PTPRD: variants seen among roughly 807,000 people sequenced by gnomAD.
The protein encoded by PTPRD is receptor-type tyrosine-protein phosphatase delta.
In PTPRD, 34 loss-of-function variants were observed where a neutral mutation model predicts 214.5. The observed-to-expected ratio is 0.16, with a 90% CI of 0.12 to 0.21. PTPRD has a LOEUF of 0.21. Among genes scored for constraint, PTPRD ranks in the 10% least tolerant of loss-of-function variants. PTPRD has a pLI of 1.00. For missense variants in PTPRD, 2,545 were observed against 2,398.7 expected (o/e 1.06, Z -1.27); for synonymous variants, 1,128 against 845.7 (o/e 1.33, Z -5.79).
intron 2 of PTPRD, among the ~76,000 whole-genome samples, chr9:10,487,664 G>C (rs1225052909): frequency 6.6e-6 from 1 of 151,702 alleles, no homozygotes; most frequent in African/African-American, 2.4e-5. Flanking sequence ...AATACACATG[G>C]ACACAGGGAG....
intron 3 of PTPRD, among the ~76,000 whole-genome samples, chr9:10,096,409 T>A (rs1323148934): frequency 5.9e-5 from 9 of 151,874 alleles, no homozygotes; most frequent in Non-Finnish European, 1.3e-4. Flanking sequence ...TGTTGTTTCC[T>A]GACTTTTTAA....
chr9:8,719,641 T>C (rs2098471046), intron 12 of PTPRD, among the ~76,000 whole-genome samples: 1 of 152,236 alleles, frequency 6.6e-6, no homozygotes, highest in Non-Finnish European at 1.5e-5. Flanking sequence ...ATTTATTTTG[T>C]ATTGGCTGTG....
intron 7 of PTPRD, among the ~76,000 whole-genome samples, chr9:9,583,221 T>C (rs1003860944): frequency 2.0e-5 from 3 of 152,142 alleles, no homozygotes; most frequent in East Asian, 1.9e-4. Context: ...TGGGTATCAA[T>C]GATATATAAA....
chr9:9,593,121 G>A (rs549368191), intron 7 of PTPRD, among the ~76,000 whole-genome samples: 112 of 136,966 alleles, frequency 8.2e-4, no homozygotes, highest in Non-Finnish European at 1.4e-3. Context: ...AGGAAGGAAG[G>A]AAAGGAAAGG....
intron 11 of PTPRD, among the ~76,000 whole-genome samples, chr9:8,948,004 G>C (rs1322291219): frequency 6.9e-6 from 1 of 144,376 alleles, no homozygotes; most frequent in Non-Finnish European, 1.5e-5. Flanking sequence ...TATACCCAGA[G>C]TCTGGGCTCT....
intron 10 of PTPRD, among the ~76,000 whole-genome samples, chr9:9,071,656 G>A (rs952443836): frequency 4.6e-5 from 7 of 152,084 alleles, no homozygotes; most frequent in Non-Finnish European, 8.8e-5. Context: ...CAACTTGAAT[G>A]AAACTAGAAG....
intron 3 of PTPRD, among the ~76,000 whole-genome samples, chr9:10,320,312 G>GA (rs1376659205): frequency 6.6e-6 from 1 of 151,894 alleles, no homozygotes; most frequent in Non-Finnish European, 1.5e-5. Context: ...CAGCTGAGGG[G>GA]AAAAAAAGCT....
intron 7 of PTPRD, among the ~76,000 whole-genome samples, chr9:9,715,589 C>T (rs2097805361): frequency 6.6e-6 from 1 of 152,212 alleles, no homozygotes; most frequent in African/African-American, 2.4e-5. Flanking sequence ...ACAAAATATA[C>T]ATTAACTAAA....
At chr9:9,688,915 T>C (rs965373497) in intron 7 of PTPRD, among the ~76,000 whole-genome samples, 1 of 151,854 alleles carries the variant, frequency 6.6e-6, no homozygotes, top group Non-Finnish European at 1.5e-5. Flanking sequence ...TAGATGGATA[T>C]GTGAATGGCT....
intron 39 of PTPRD, among the ~76,000 whole-genome samples, 172 bp from the exon 40 acceptor site, chr9:8,342,150 A>G (rs1853041863): frequency 6.6e-6 from 1 of 152,120 alleles, no homozygotes; most frequent in African/African-American, 2.4e-5. Flanking sequence ...TCTAGGCACC[A>G]TAATCAGAGG....
At chr9:8,392,687 T>C (rs188188233) in intron 36 of PTPRD, among the ~76,000 whole-genome samples, 1 of 152,300 alleles carries the variant, frequency 6.6e-6, no homozygotes, top group Admixed American at 6.5e-5. Context: ...GTACATGGAA[T>C]GAAAGCCTCC....
chr9:9,090,137 A>T (rs2099773442), intron 10 of PTPRD, among the ~76,000 whole-genome samples: 1 of 152,122 alleles, frequency 6.6e-6, no homozygotes, highest in Non-Finnish European at 1.5e-5. Context: ...CAGTCACCTT[A>T]CTGTGCTATT....
intron 35 of PTPRD, among the ~76,000 whole-genome samples, chr9:8,418,439 T>A (rs888700711): frequency 9.9e-5 from 15 of 152,190 alleles, no homozygotes; most frequent in African/African-American, 3.6e-4. Context: ...CCATAACTTA[T>A]CTTTTCATTT....
intron 3 of PTPRD, among the ~76,000 whole-genome samples, chr9:10,067,187 C>A (rs879101872): frequency 6.6e-6 from 1 of 151,852 alleles, no homozygotes; most frequent in Non-Finnish European, 1.5e-5. Flanking sequence ...TATGTTCCTA[C>A]CAATTTATAA....
chr9:9,487,566 C>CA (rs80053414), intron 8 of PTPRD, among the ~76,000 whole-genome samples: 85,357 of 151,680 alleles, frequency 0.56, 24,183 homozygotes, highest in East Asian at 0.7. Context: ...TTTCTTAATT[C>CA]AAAAAAATCT....
intron 5 of PTPRD, among the ~76,000 whole-genome samples, chr9:9,811,158 T>G (rs1390449106): frequency 6.6e-6 from 1 of 151,954 alleles, no homozygotes; most frequent in South Asian, 2.1e-4. Flanking sequence ...GAGCCGAGAT[T>G]GTGACATAGT....
intron 14 of PTPRD, among the ~76,000 whole-genome samples, chr9:8,544,785 T>A (rs2079520154): frequency 6.6e-6 from 1 of 151,982 alleles, no homozygotes; most frequent in African/African-American, 2.4e-5. Flanking sequence ...TTACTTTCAA[T>A]GGTAAAACAG....
At chr9:8,360,743 C>G (rs1253376710) in intron 39 of PTPRD, among the ~76,000 whole-genome samples, 1 of 152,126 alleles carries the variant, frequency 6.6e-6, no homozygotes. Flanking sequence ...GCCAAATTAT[C>G]CAGGCTATGA....
intron 30 of PTPRD, among the ~76,000 whole-genome samples, chr9:8,474,260 G>GC (rs2096718355): frequency 6.6e-6 from 1 of 151,872 alleles, no homozygotes; most frequent in South Asian, 2.1e-4. Context: ...GCTGATTTTT[G>GC]CCATCTAGTA....
Sources: gnomAD v4.1 joint callset for allele counts (sites outside exome capture counted in the v4.1 genomes callset) on GRCh38, gnomAD v4.1.1 for gene constraint, MANE v1.5 for transcripts, NCBI Gene and HGNC (gene_info 2026-07-23, HGNC 2026-07-21) for gene names.